Variants in SCMH1 observed in about 807,000 individuals in gnomAD.
SCMH1 encodes the protein Scm polycomb group protein homolog 1.
SCMH1 carries 37 observed loss-of-function variants against 70.8 expected under a neutral mutation model. The observed-to-expected ratio is 0.52, with a 90% CI of 0.40 to 0.69. The LOEUF (loss-of-function observed/expected upper bound fraction) is 0.69. SCMH1 is among the 30% of genes least tolerant of loss of function. The probability of loss-of-function intolerance (pLI) is 0.00; values close to 1 mark genes in which losing one functional copy is unlikely to be tolerated. For synonymous variants in SCMH1, 292 were observed against 307.4 expected, an observed-to-expected ratio of 0.95 and a Z score of 0.52; for missense variants, 607 against 827.3, an observed-to-expected ratio of 0.73 and a Z score of 3.27.
At chr1:41,207,417 A>G (rs1377939040) in intron 1 of SCMH1, among the ~76,000 whole-genome samples, 1 of 152,212 alleles carries the variant, frequency 6.6e-6, no homozygotes, top group Non-Finnish European at 1.5e-5. Flanking sequence ...CAGATTTTAA[A>G]CCAGCAAAGA....
chr1:41,095,535 G>A (rs1664835132), intron 8 of SCMH1, among the ~76,000 whole-genome samples: 3 of 152,132 alleles, frequency 2.0e-5, no homozygotes, highest in Non-Finnish European at 2.9e-5. Context: ...TGTTGTAACT[G>A]GTATATGACA....
chr1:41,240,581 TC>T (rs1380494951), intron 1 of SCMH1, among the ~76,000 whole-genome samples: 1 of 152,070 alleles, frequency 6.6e-6, no homozygotes, highest in Non-Finnish European at 1.5e-5. Flanking sequence ...AAAGAGCTAT[TC>T]TATTTGCCTG....
intron 14 of SCMH1, 51 bp downstream of exon 15, chr1:41,028,533 G>A: frequency 1.9e-6 from 3 of 1,608,650 alleles, no homozygotes; most frequent in Non-Finnish European, 2.6e-6. Flanking sequence ...TCCCCACCAG[G>A]TGAGGCTCTC....
intron 1 of SCMH1, among the ~76,000 whole-genome samples, chr1:41,189,349 T>C (rs571717348): frequency 4.1e-4 from 63 of 152,080 alleles, no homozygotes; most frequent in African/African-American, 1.4e-3. Context: ...CAGGGTTTCA[T>C]CATGTTGGCC....
intron 8 of SCMH1, among the ~76,000 whole-genome samples, chr1:41,079,225 T>A (rs568094590): frequency 6.6e-6 from 1 of 151,904 alleles, no homozygotes; most frequent in South Asian, 2.1e-4. Context: ...AAGGAAGAAC[T>A]TGGACAAATA....
chr1:41,202,995 A>G (rs1654716917), intron 1 of SCMH1, among the ~76,000 whole-genome samples: 1 of 151,546 alleles, frequency 6.6e-6, no homozygotes. Flanking sequence ...TGGCTTTTAC[A>G]TTTTTCTAGT....
chr1:41,234,165 T>C (rs1291936260), intron 1 of SCMH1, among the ~76,000 whole-genome samples: 3 of 152,154 alleles, frequency 2.0e-5, no homozygotes, highest in Non-Finnish European at 4.4e-5. Context: ...CCAGGCATGA[T>C]GGCTCACGCC....
intron 10 of SCMH1, 35 bp from the exon 11 acceptor site, chr1:41,048,925 GTC>G (rs1269400732): frequency 6.3e-7 from 1 of 1,578,836 alleles, no homozygotes; most frequent in East Asian, 2.2e-5. Context: ...AGCTTCAAGA[GTC>G]TCTGGGATAG....
intron 1 of SCMH1, among the ~76,000 whole-genome samples, chr1:41,219,558 T>G (rs914568039): frequency 4.6e-5 from 7 of 152,172 alleles, no homozygotes; most frequent in Non-Finnish European, 1.0e-4. Flanking sequence ...TCAGAATAGT[T>G]GGGGTTAAAA....
intron 8 of SCMH1, chr1:41,098,767 C>A (rs568412789): frequency 2.8e-5 from 4 of 142,602 alleles, no homozygotes; most frequent in Admixed American, 1.4e-4. Context: ...TTCCTCCCCC[C>A]GACCCCCACC....
At chr1:41,086,794 C>CA (rs1465411682) in intron 8 of SCMH1, among the ~76,000 whole-genome samples, 1 of 151,542 alleles carries the variant, frequency 6.6e-6, no homozygotes, top group Non-Finnish European at 1.5e-5. Flanking sequence ...ACCTGTAGTA[C>CA]CACCTGCTTG....
chr1:41,241,252 C>T (rs544308390), intron 1 of SCMH1, among the ~76,000 whole-genome samples: 21 of 152,342 alleles, frequency 1.4e-4, no homozygotes, highest in African/African-American at 3.8e-4. Flanking sequence ...TTTAAATTCT[C>T]TTCCAGTCAG....
intron 13 of SCMH1, among the ~76,000 whole-genome samples, chr1:41,034,302 C>CT (rs1644977169): frequency 6.6e-6 from 1 of 151,846 alleles, no homozygotes; most frequent in Non-Finnish European, 1.5e-5. Context: ...AAAGCTCTCT[C>CT]CGCTGAGGTG....
chr1:41,217,492 C>T (rs748919679), intron 1 of SCMH1, among the ~76,000 whole-genome samples: 2 of 152,120 alleles, frequency 1.3e-5, no homozygotes, highest in Non-Finnish European at 2.9e-5. Context: ...AGGGCCAGGG[C>T]AAGGGTATAG....
intron 6 of SCMH1, among the ~76,000 whole-genome samples, chr1:41,118,313 G>A (rs550206904): frequency 6.6e-6 from 1 of 152,260 alleles, no homozygotes; most frequent in East Asian, 1.9e-4. Context: ...ATAACGTAAT[G>A]CCTAGAAAAC....
intron 5 of SCMH1, among the ~76,000 whole-genome samples, chr1:41,144,845 T>C (rs1423753496): frequency 6.6e-6 from 1 of 152,208 alleles, no homozygotes; most frequent in Non-Finnish European, 1.5e-5. Flanking sequence ...ATTTCTCTAA[T>C]GACTACTGAG....
chr1:41,120,483 G>T (rs1355849391), intron 6 of SCMH1, among the ~76,000 whole-genome samples: 1 of 151,530 alleles, frequency 6.6e-6, no homozygotes, highest in Non-Finnish European at 1.5e-5. Context: ...ATATATGGTG[G>T]TTGGATACCA....
intron 8 of SCMH1, among the ~76,000 whole-genome samples, chr1:41,095,270 G>A (rs1202744162): frequency 6.6e-6 from 1 of 152,126 alleles, no homozygotes; most frequent in Non-Finnish European, 1.5e-5. Context: ...TTTTTCAGTG[G>A]TTTATGTTTT....
At chr1:41,146,712 T>C (rs1435646703) in intron 5 of SCMH1, among the ~76,000 whole-genome samples, 1 of 152,142 alleles carries the variant, frequency 6.6e-6, no homozygotes, top group Non-Finnish European at 1.5e-5. Flanking sequence ...GCATCCAGGT[T>C]TGTGCAAGTA....
Sources: gnomAD v4.1 joint callset for allele counts (sites outside exome capture counted in the v4.1 genomes callset) on GRCh38, gnomAD v4.1.1 for gene constraint, MANE v1.5 for transcripts, NCBI Gene and HGNC (gene_info 2026-07-23, HGNC 2026-07-21) for gene names.